GID4: variants seen among roughly 807,000 people sequenced by gnomAD.
The protein encoded by GID4 is glucose-induced degradation protein 4 homolog.
In GID4, 7 loss-of-function variants were observed where a neutral mutation model predicts 32.4. The ratio of observed to expected loss-of-function variants is 0.22; its 90% CI spans 0.12 to 0.41. GID4 has a LOEUF of 0.41. Ranked by LOEUF, GID4 falls within the 10% of genes least tolerant of loss-of-function variation. The pLI is 1.00. For synonymous variants in GID4, 166 were observed against 170.0 expected, an observed-to-expected ratio of 0.98 and a Z score of 0.18; for missense variants, 309 against 400.0, an observed-to-expected ratio of 0.77 and a Z score of 1.94.
At position 18,068,215 on chromosome 17, in the gene GID4, AAAAT is replaced by A. The variant is rs1414394745; in HGVS notation, c.*2975_*2978del. ...AATTACTAACAAGTTGTGGGAAAGA[AAAAT>A]AATATTTGATTTTGAATCTTAAATG... On this transcript the variant is annotated 3_prime_UTR_variant, in exon 6 of 6. Transcript: ENST00000268719. 1.3e-5 allele frequency: 2 copies of A among 152,778 alleles called. No individual in the cohort carries two copies. The highest frequency in any genetic ancestry group is 1.3e-4 in the Admixed American group (2 of 15,294). 9.5% of individuals were successfully genotyped at this position (152,778 alleles called of 1,614,324 possible). A position where few individuals can be genotyped will look rare whatever the true frequency, so the allele number is the denominator to read the frequency against.
Position 18,039,623 on chromosome 17 carries a change from C to T in GID4, c.159C>T (p.Gly53=), listed in dbSNP as rs908548965. The T allele has an allele frequency of 2.2e-5, 27 of 1,200,650 alleles. No homozygotes were observed. Among genetic ancestry groups the T allele is most frequent in the Non-Finnish European group, 2.6e-5 (25 of 959,256 alleles). 74.4% of individuals were successfully genotyped at this position (1,200,650 alleles called of 1,614,324 possible). Residue 53 remains glycine (G), a synonymous_variant, in exon 1 of 6, where the codon GGC becomes GGT. Transcript: ENST00000268719. The surrounding 1 kb of genome is among the most constrained non-coding windows in gnomAD (Gnocchi z 5.3). ...SRPHPARARP[G]LSLPATLLGS... is the part of the protein sequence containing the mutation. ...CCCACCCCGCGCGTGCGCGCCCCGGCCTCTCCCTCCCCGCCACCCTCCTCG... is the reference window on the plus strand; with the variant it reads ...CCCACCCCGCGCGTGCGCGCCCCGGTCTCTCCCTCCCCGCCACCCTCCTCG...
intron 3 of GID4, among the ~76,000 whole-genome samples, chr17:18,055,844 T>C (rs1181940642): frequency 2.0e-5 from 3 of 151,706 alleles, no homozygotes; most frequent in Non-Finnish European, 4.4e-5. Flanking sequence ...TCTGTTTTGT[T>C]TGGTTTGGTT....
At chr17:18,065,048 T>A in intron 5 of GID4, 132 bp from the exon 6 acceptor site, 1 of 687,666 alleles carries the variant, frequency 1.5e-6, no homozygotes, top group South Asian at 1.7e-5. Context: ...ACTTGAGAAA[T>A]AGAAAATGAA....
intron 2 of GID4, among the ~76,000 whole-genome samples, chr17:18,051,691 G>C (rs1051392929): frequency 2.0e-5 from 3 of 150,566 alleles, no homozygotes; most frequent in Admixed American, 6.6e-5. Context: ...AAAAAAAATA[G>C]CTTCTAGTTT....
chr17:18,060,934 C>T (rs2045013093), intron 4 of GID4, among the ~76,000 whole-genome samples: 1 of 152,100 alleles, frequency 6.6e-6, no homozygotes, highest in Non-Finnish European at 1.5e-5. Context: ...GGGTTTTCGC[C>T]ATATTGGCCA....
At chr17:18,054,806 A>G (rs868821409) in intron 3 of GID4, among the ~76,000 whole-genome samples, 50 of 152,118 alleles carry the variant, frequency 3.3e-4, no homozygotes, top group African/African-American at 1.2e-3. Context: ...ACTCAGCAGT[A>G]GTGAATGCTT....
rs756650789 is a variant in GID4 at position 18,045,158 on chromosome 17, G to A, written c.450G>A (p.Thr150=). Residue 150 remains threonine (T), a synonymous_variant, in exon 2 of 6, where the codon ACG becomes ACA. Transcript: ENST00000268719. ...TCCTTTCTTTTCAGCACGTGGACACGGGGAACTCTTACCTTTGTGGGTACT... is the reference window on the plus strand; with the variant it reads ...TCCTTTCTTTTCAGCACGTGGACACAGGGAACTCTTACCTTTGTGGGTACT... The part of the protein sequence containing the change: ...DVEVVLQHVD[T]GNSYLCGYLK... The A allele has an allele frequency of 2.5e-6, 4 of 1,613,096 alleles. No individual in the cohort carries two copies. The highest frequency in any genetic ancestry group is 2.2e-5 in the East Asian group (1 of 44,892).
At position 18,058,849 on chromosome 17, in the gene GID4, C is replaced by G. The variant is rs377426399; in HGVS notation, c.607-19C>G. Reference sequence around the variant, plus strand: ...CTCCTTCTCTCAGTCAATCGGCACACTCTCTTTTCTGCTTTCAGGGCAAGT... The same window carrying G: ...CTCCTTCTCTCAGTCAATCGGCACAGTCTCTTTTCTGCTTTCAGGGCAAGT... On this transcript the variant is annotated intron_variant, in intron 3 of 5. Transcript: ENST00000268719. The G allele has an allele frequency of 2.2e-4, 327 of 1,488,034 alleles. No homozygotes were observed. The highest frequency in any genetic ancestry group is 2.8e-4 in the Non-Finnish European group (294 of 1,065,426). 92.2% of individuals were successfully genotyped at this position (1,488,034 alleles called of 1,614,324 possible).
chr17:18,052,565 T>C (rs1483646648), intron 2 of GID4, among the ~76,000 whole-genome samples: 1 of 152,214 alleles, frequency 6.6e-6, no homozygotes, highest in Non-Finnish European at 1.5e-5. Context: ...GTGACTCTCA[T>C]AACCATGCTC....
Position 18,066,026 on chromosome 17 carries a change from T to A in GID4, c.*783T>A, listed in dbSNP as rs532218416. Reference sequence around the variant, plus strand: ...CAATACTAAACTTAAAAATAAGAGTTTTTTTATTACAAAATTATTTTTATG... The same window carrying A: ...CAATACTAAACTTAAAAATAAGAGTATTTTTATTACAAAATTATTTTTATG... On this transcript the variant is annotated 3_prime_UTR_variant, in exon 6 of 6. Coordinates refer to ENST00000268719, the MANE Select transcript of GID4 (RefSeq NM_024052.5). 1 of 152,336 alleles carries A rather than the reference T, an allele frequency of 6.6e-6. No homozygotes were observed. The highest frequency in any genetic ancestry group is 6.5e-5 in the Admixed American group (1 of 15,284). The allele number at this position is 152,336 out of a possible 1,614,324, so 9.4% of individuals were successfully genotyped here. A position where few individuals can be genotyped will look rare whatever the true frequency, so the allele number is the denominator to read the frequency against.
Position 18,065,473 on chromosome 17 carries a change from T to G in GID4, c.*230T>G. On this transcript the variant is annotated 3_prime_UTR_variant, in exon 6 of 6. Coordinates refer to ENST00000268719, the MANE Select transcript of GID4 (RefSeq NM_024052.5). Reference sequence around the variant, plus strand: ...TCCTCCCCTCAGTGGCAGTTTGGTCTTCACCTGTTTTTAAGCTACCTTAAA... The same window carrying G: ...TCCTCCCCTCAGTGGCAGTTTGGTCGTCACCTGTTTTTAAGCTACCTTAAA... The G allele has an allele frequency of 1.8e-6, 1 of 556,008 alleles. No individual in the cohort carries two copies. The highest frequency in any genetic ancestry group is 2.0e-5 in the South Asian group (1 of 50,070). 34.4% of individuals were successfully genotyped at this position (556,008 alleles called of 1,614,324 possible).
In GID4 at chr17:18,039,605, C is replaced by G. The variant is rs562752755; in HGVS notation, c.141C>G (p.Pro47=). Residue 47 remains proline, a synonymous_variant, in exon 1 of 6, where the codon CCC becomes CCG. Transcript: ENST00000268719. The surrounding 1 kb of genome is among the most constrained non-coding windows in gnomAD (Gnocchi z 5.3). ...GTGGTCGCCCCTCCCGCCCCCACCCCGCGCGTGCGCGCCCCGGCCTCTCCC... is the reference window on the plus strand; with the variant it reads ...GTGGTCGCCCCTCCCGCCCCCACCCGGCGCGTGCGCGCCCCGGCCTCTCCC... ...RAGGRPSRPH[P]ARARPGLSLP... 4.4e-4 allele frequency: 569 copies of G among 1,291,172 alleles called. 10 individuals carry two copies. The South Asian group carries it at 0.013, about 30-fold the overall frequency. The allele number at this position is 1,291,172 out of a possible 1,614,324, so 80.0% of individuals were successfully genotyped here.
Position 18,042,062 on chromosome 17 carries a change from G to A in GID4, c.438+2160G>A, listed in dbSNP as rs112861527. On this transcript the variant is annotated intron_variant, in intron 1 of 5. Coordinates refer to ENST00000268719, the MANE Select transcript of GID4 (RefSeq NM_024052.5). ...AATTGCCCCATCATCTGGTTTTTCA[G>A]CCAGGACTAGTTTGTCAGACACAGC... Among the ~76,000 whole-genome samples the A allele has an allele frequency of 9.7e-3, 1,480 of 152,322 alleles. 21 individuals are homozygous for A. The highest frequency in any genetic ancestry group is 0.034 in the African/African-American group (1,425 of 41,568).
chr17:18,050,861 C>T (rs1004292011), intron 2 of GID4, among the ~76,000 whole-genome samples: 1 of 152,164 alleles, frequency 6.6e-6, no homozygotes, highest in Non-Finnish European at 1.5e-5. Flanking sequence ...ATTCATTTCT[C>T]GATATCCTTT....
chr17:18,054,194 G>A lies in GID4; in HGVS notation c.566G>A (p.Arg189His), dbSNP rs138700962. The A allele has an allele frequency of 1.2e-6, 2 of 1,612,752 alleles. No homozygotes were observed. Among genetic ancestry groups the A allele is most frequent in the Non-Finnish European group, 1.7e-6 (2 of 1,179,138 alleles). The change falls in exon 3 of 6, where the codon CGC becomes CAC. Residue 189 changes from arginine (R) to histidine (H), a missense_variant. Transcript: ENST00000268719. ...AGCAAAAAACACCCTTTCTTAACTCGCAAGTGGGATGCAGATGAAGATGTT... is the reference window on the plus strand; with the variant it reads ...AGCAAAAAACACCCTTTCTTAACTCACAAGTGGGATGCAGATGAAGATGTT... ...IISKKHPFLT[R>H]KWDADEDVDR...
intron 2 of GID4, among the ~76,000 whole-genome samples, chr17:18,049,015 C>T (rs538839310): frequency 5.9e-5 from 9 of 151,976 alleles, no homozygotes; most frequent in East Asian, 3.9e-4. Context: ...GCCTTCCTCA[C>T]GTATACAGTA....
At position 18,039,594 on chromosome 17, in the gene GID4, C is replaced by G; in HGVS notation, c.130C>G (p.Arg44Gly). 1 of 1,292,634 alleles carries G rather than the reference C, an allele frequency of 7.7e-7. No individual in the cohort carries two copies. Among genetic ancestry groups the G allele is most frequent in the Non-Finnish European group, 9.8e-7 (1 of 1,023,964 alleles). 80.1% of individuals were successfully genotyped at this position (1,292,634 alleles called of 1,614,324 possible). A position where few individuals can be genotyped will look rare whatever the true frequency, so the allele number is the denominator to read the frequency against. ...RRQRAGGRPS[R>G]PHPARARPGL... ...GCAGCGGGCGGGTGGTCGCCCCTCC[C>G]GCCCCCACCCCGCGCGTGCGCGCCC... Residue 44 changes from arginine (R) to glycine (G), a missense_variant, in exon 1 of 6, where the codon CGC (arginine) becomes GGC (glycine). Coordinates refer to ENST00000268719, the MANE Select transcript of GID4 (RefSeq NM_024052.5). This position sits in a 1 kb window ranked among gnomAD's most constrained non-coding sequence, Gnocchi z 5.3.
At chr17:18,055,225 G>C (rs1355798375) in intron 3 of GID4, among the ~76,000 whole-genome samples, 1 of 151,194 alleles carries the variant, frequency 6.6e-6, no homozygotes, top group Non-Finnish European at 1.5e-5. Flanking sequence ...TGCTTTAGTT[G>C]ACCATGGTGA....
In GID4 at chr17:18,067,281, C is replaced by G. The variant is rs1187074617; in HGVS notation, c.*2038C>G. The G allele has an allele frequency of 6.6e-6, 1 of 152,320 alleles. No homozygotes were observed. The allele number at this position is 152,320 out of a possible 1,614,324, so 9.4% of individuals were successfully genotyped here. On this transcript the variant is annotated 3_prime_UTR_variant, in exon 6 of 6. Transcript: ENST00000268719. ...GGGATATAGGCCTCCCCTTGGAGCA[C>G]TGAGTCCGGAGGTCATCCCTGAGCT...
Sources: allele counts gnomAD v4.1 joint callset (sites outside exome capture counted in the v4.1 genomes callset), GRCh38; gene constraint gnomAD v4.1.1; non-coding constraint Gnocchi (gnomAD v3.1); transcripts MANE v1.5; gene names NCBI Gene and HGNC (gene_info 2026-07-23, HGNC 2026-07-21).